Variants in NEGR1 observed in about 807,000 individuals in gnomAD.
NEGR1 encodes the protein IgLON family member 4.
NEGR1 carries 10 observed loss-of-function variants against 40.9 expected under a neutral mutation model. That is an observed-to-expected ratio of 0.24 (90% CI 0.15 to 0.42). The LOEUF is 0.42. NEGR1 is among the 10% of genes least tolerant of loss of function. The pLI is 1.00. For missense variants in NEGR1, 352 were observed against 438.9 expected (o/e 0.80, Z 1.77); for synonymous variants, 185 against 166.8 (o/e 1.11, Z -0.84).
At chr1:72,150,322 T>C (rs1651073942) in intron 1 of NEGR1, among the ~76,000 whole-genome samples, 1 of 152,136 alleles carries the variant, frequency 6.6e-6, no homozygotes, top group South Asian at 2.1e-4. Flanking sequence ...AAGGAATATA[T>C]AATAAAAGAG....
chr1:71,703,944 G>T (rs1653796588), intron 3 of NEGR1, among the ~76,000 whole-genome samples: 1 of 151,782 alleles, frequency 6.6e-6, no homozygotes. Context: ...AATATAAGAG[G>T]TTAATCATGT....
intron 4 of NEGR1, among the ~76,000 whole-genome samples, chr1:71,641,673 G>A (rs1360024912): frequency 6.6e-6 from 1 of 151,992 alleles, no homozygotes; most frequent in Non-Finnish European, 1.5e-5. Context: ...CATAAGCAGA[G>A]TGGGAATGAC....
chr1:72,111,345 A>C (rs1199803898), intron 1 of NEGR1, among the ~76,000 whole-genome samples: 2 of 151,704 alleles, frequency 1.3e-5, no homozygotes, highest in Admixed American at 1.3e-4. Context: ...TTATAATTTT[A>C]ATATTTTATT....
rs145087316 is a variant in NEGR1, at chr1:72,137,831, C to G, written c.176+144488G>C. Among the ~76,000 whole-genome samples, 33 of 152,170 alleles carry G rather than the reference C, an allele frequency of 2.2e-4. No homozygotes were observed. In the East Asian group the frequency reaches 5.8e-3, roughly 27 times the overall value. On this transcript the variant is annotated intron_variant, in intron 1 of 6. Coordinates refer to ENST00000357731, the MANE Select transcript of NEGR1 (RefSeq NM_173808.3). ...CCAGAGAAAAACAGCACATTGCATACAGAAGACCACTTGTGTTATAAATGA... is the reference window on the plus strand; with the variant it reads ...CCAGAGAAAAACAGCACATTGCATAGAGAAGACCACTTGTGTTATAAATGA...
At chr1:71,791,096 A>G (rs758677122) in intron 2 of NEGR1, among the ~76,000 whole-genome samples, 5 of 152,066 alleles carry the variant, frequency 3.3e-5, no homozygotes, top group Non-Finnish European at 5.9e-5. Context: ...TCCCTTTCTT[A>G]CAGCATTTTT....
intron 6 of NEGR1, among the ~76,000 whole-genome samples, chr1:71,440,088 G>A (rs1646537051): frequency 6.6e-6 from 1 of 152,056 alleles, no homozygotes; most frequent in Non-Finnish European, 1.5e-5. Flanking sequence ...GATCATCATT[G>A]TTTTATCTTT....
intron 1 of NEGR1, among the ~76,000 whole-genome samples, chr1:72,102,361 C>T (rs1237673945): frequency 6.6e-6 from 1 of 151,858 alleles, no homozygotes; most frequent in Non-Finnish European, 1.5e-5. Context: ...TGACCTTCAA[C>T]ATTAAAATGC....
At chr1:71,970,563 G>A (rs72935883) in intron 1 of NEGR1, among the ~76,000 whole-genome samples, 294 of 152,028 alleles carry the variant, frequency 1.9e-3, no homozygotes, top group African/African-American at 6.3e-3. Context: ...ATGGTAGTGC[G>A]TGCCTGTAGA....
At chr1:71,471,362 T>A (rs1449443989) in intron 6 of NEGR1, among the ~76,000 whole-genome samples, 1 of 152,094 alleles carries the variant, frequency 6.6e-6, no homozygotes, top group Non-Finnish European at 1.5e-5. Context: ...AGTCCCACAT[T>A]TAAAGATGCA....
rs1446238443 is a variant in NEGR1, at chr1:71,401,724, T to C, written c.*5722A>G. On this transcript the variant is annotated 3_prime_UTR_variant, in exon 7 of 7. Coordinates refer to ENST00000357731, the MANE Select transcript of NEGR1 (RefSeq NM_173808.3). ...CCCCCAAAATTCTGTTGATTGCAGA[T>C]GTCTGAGGAATAGTCTTAGTGGATT... is the stretch of plus-strand genomic sequence containing the variant. 1 of 152,210 alleles carries C rather than the reference T, an allele frequency of 6.6e-6. No individual in the cohort carries two copies. The highest frequency in any genetic ancestry group is 1.5e-5 in the Non-Finnish European group (1 of 68,028). The allele number at this position is 152,210 out of a possible 1,614,324, so 9.4% of individuals were successfully genotyped here. A position where few individuals can be genotyped will look rare whatever the true frequency, so the allele number is the denominator to read the frequency against.
chr1:72,174,365 T>C (rs1407031363), intron 1 of NEGR1, among the ~76,000 whole-genome samples: 1 of 152,188 alleles, frequency 6.6e-6, no homozygotes, highest in Non-Finnish European at 1.5e-5. Flanking sequence ...ATAATTTATA[T>C]TAGGGCTTTC....
intron 1 of NEGR1, among the ~76,000 whole-genome samples, chr1:72,158,877 C>A (rs76290274): frequency 0.021 from 3,144 of 152,176 alleles, 47 homozygotes; most frequent in South Asian, 0.044. Flanking sequence ...TATTGCTCAT[C>A]TTTTAAATCA....
intron 4 of NEGR1, among the ~76,000 whole-genome samples, chr1:71,665,551 G>C (rs999950042): frequency 1.3e-5 from 2 of 152,158 alleles, no homozygotes. Context: ...AATACTTGCA[G>C]TGACGTAGCA....
intron 1 of NEGR1, among the ~76,000 whole-genome samples, chr1:71,988,606 T>C (rs189500577): frequency 2.3e-4 from 18 of 77,142 alleles, no homozygotes; most frequent in Admixed American, 1.8e-3. Context: ...AATAGAAACA[T>C]AAATTTTTCA....
intron 2 of NEGR1, among the ~76,000 whole-genome samples, chr1:71,929,508 A>G (rs1283244400): frequency 6.6e-6 from 1 of 152,164 alleles, no homozygotes; most frequent in African/African-American, 2.4e-5. Context: ...CCTGAATAAA[A>G]CAGACTAGGA....
intron 6 of NEGR1, among the ~76,000 whole-genome samples, chr1:71,535,637 T>C (rs551296548): frequency 1.2e-3 from 183 of 151,720 alleles, no homozygotes; most frequent in Non-Finnish European, 2.2e-3. Flanking sequence ...TTGGTTGAGT[T>C]GGAGATTCAT....
At chr1:71,998,044 C>G (rs542009775) in intron 1 of NEGR1, among the ~76,000 whole-genome samples, 1 of 152,008 alleles carries the variant, frequency 6.6e-6, no homozygotes, top group South Asian at 2.1e-4. Context: ...TTTTCCCTGA[C>G]TAAGAAGAAA....
chr1:71,799,801 G>A (rs892151120), intron 2 of NEGR1, among the ~76,000 whole-genome samples: 7 of 151,778 alleles, frequency 4.6e-5, no homozygotes, highest in East Asian at 2.0e-4. Flanking sequence ...CAACCTCCAC[G>A]TCCTGGGTTC....
intron 1 of NEGR1, among the ~76,000 whole-genome samples, chr1:72,141,338 A>G (rs1650669526): frequency 6.6e-6 from 1 of 152,004 alleles, no homozygotes; most frequent in South Asian, 2.1e-4. Flanking sequence ...CAAATGCTAT[A>G]TTTTGTCCAG....
Sources: allele counts gnomAD v4.1 joint callset (sites outside exome capture counted in the v4.1 genomes callset), GRCh38; gene constraint gnomAD v4.1.1; transcripts MANE v1.5; gene names NCBI Gene and HGNC (gene_info 2026-07-23, HGNC 2026-07-21).